The following SLC39A11 variants were observed in gnomAD, a reference collection of about 807,000 sequenced individuals.
SLC39A11 encodes solute carrier family 39 member 11.
In SLC39A11, 33 loss-of-function variants were observed where a neutral mutation model predicts 36.1. The observed-to-expected ratio is 0.91, with a 90% CI of 0.69 to 1.22. The LOEUF (loss-of-function observed/expected upper bound fraction) is 1.22. Ranked by LOEUF, SLC39A11 falls within the 50% of genes most tolerant of loss-of-function variation. The pLI is 0.00. For synonymous variants in SLC39A11, 166 were observed against 170.3 expected (o/e 0.97, Z 0.20); for missense variants, 432 against 430.3 (o/e 1.00, Z -0.03).
At chr17:72,871,056 GT>G (rs34776144) in intron 5 of SLC39A11, among the ~76,000 whole-genome samples, 55,589 of 124,094 alleles carry the variant, frequency 0.45, 10,478 homozygotes, top group East Asian at 0.62. Flanking sequence ...TTTTGTTTTT[GT>G]TTTTTTTTTT....
intron 7 of SLC39A11, among the ~76,000 whole-genome samples, chr17:72,674,662 C>A (rs1490186360): frequency 6.6e-6 from 1 of 152,138 alleles, no homozygotes; most frequent in Non-Finnish European, 1.5e-5. Context: ...TGCCCACCAG[C>A]AAGGTATGAG....
intron 5 of SLC39A11, among the ~76,000 whole-genome samples, chr17:72,883,069 T>C (rs1340172042): frequency 6.6e-6 from 1 of 152,120 alleles, no homozygotes; most frequent in African/African-American, 2.4e-5. Context: ...TGTGGTTGGA[T>C]TACAGGCTGA....
chr17:73,012,697 T>TC (rs566821257), intron 4 of SLC39A11, among the ~76,000 whole-genome samples: 54 of 152,210 alleles, frequency 3.5e-4, no homozygotes, highest in African/African-American at 1.2e-3. Context: ...CCCCCTGTTC[T>TC]CTCCCCTCTC....
chr17:72,973,440 T>C (rs753958398), intron 4 of SLC39A11, among the ~76,000 whole-genome samples: 7 of 152,090 alleles, frequency 4.6e-5, no homozygotes, highest in African/African-American at 9.7e-5. Context: ...CTGATGACTT[T>C]TGCTGACCTC....
chr17:73,005,257 C>T (rs1333996208), intron 4 of SLC39A11, among the ~76,000 whole-genome samples: 2 of 152,186 alleles, frequency 1.3e-5, no homozygotes, highest in African/African-American at 2.4e-5. Flanking sequence ...GGATTACAGG[C>T]GTGAGCCACC....
intron 5 of SLC39A11, among the ~76,000 whole-genome samples, chr17:72,945,962 A>T (rs185453832): frequency 6.6e-6 from 1 of 152,208 alleles, no homozygotes; most frequent in Non-Finnish European, 1.5e-5. Context: ...AATCAGATAA[A>T]GTCTGGCCAA....
At chr17:72,978,115 T>C (rs973896788) in intron 4 of SLC39A11, among the ~76,000 whole-genome samples, 6 of 152,254 alleles carry the variant, frequency 3.9e-5, no homozygotes, top group African/African-American at 1.2e-4. Context: ...GGGGAGGTTC[T>C]AGTGAGAATC....
intron 3 of SLC39A11, among the ~76,000 whole-genome samples, chr17:73,071,637 C>A (rs1193951874): frequency 6.6e-6 from 1 of 152,214 alleles, no homozygotes; most frequent in African/African-American, 2.4e-5. Flanking sequence ...AACATTGCAT[C>A]AGGGGCCAGC....
At chr17:73,014,713 A>G (rs1295190844) in intron 4 of SLC39A11, among the ~76,000 whole-genome samples, 2 of 152,356 alleles carry the variant, frequency 1.3e-5, no homozygotes, top group East Asian at 3.9e-4. Context: ...TGCTTCACCA[A>G]GTCCCAGAGG....
intron 6 of SLC39A11, among the ~76,000 whole-genome samples, chr17:72,798,017 A>G (rs981588077): frequency 5.3e-5 from 8 of 152,126 alleles, no homozygotes; most frequent in Non-Finnish European, 1.2e-4. Context: ...ACGTGACCAC[A>G]GACTTAGTGA....
intron 5 of SLC39A11, among the ~76,000 whole-genome samples, chr17:72,878,064 G>A (rs567878065): frequency 5.5e-5 from 8 of 146,270 alleles, no homozygotes; most frequent in Middle Eastern, 3.6e-3. Context: ...GTGAGAACAC[G>A]CGGTGTTTGG....
chr17:73,015,936 C>G (rs1382236254), intron 4 of SLC39A11, among the ~76,000 whole-genome samples: 3 of 152,128 alleles, frequency 2.0e-5, no homozygotes. Context: ...GCTTTCTCAT[C>G]TTAGACTATG....
chr17:72,798,527 C>A (rs2076975867), intron 6 of SLC39A11, among the ~76,000 whole-genome samples: 2 of 151,664 alleles, frequency 1.3e-5, no homozygotes, highest in Non-Finnish European at 2.9e-5. Flanking sequence ...AATTCTCCGA[C>A]CTCAGCCTCC....
intron 6 of SLC39A11, among the ~76,000 whole-genome samples, chr17:72,782,395 A>C (rs184700114): frequency 6.6e-6 from 1 of 152,246 alleles, no homozygotes; most frequent in Admixed American, 6.5e-5. Context: ...TAAGCCACCC[A>C]GTTTGCAGTA....
chr17:72,813,057 A>G (rs1014399158), intron 6 of SLC39A11, among the ~76,000 whole-genome samples: 1 of 152,192 alleles, frequency 6.6e-6, no homozygotes, highest in African/African-American at 2.4e-5. Context: ...GTTGTTCGTG[A>G]GTCATTCTGA....
chr17:73,078,547 C>T (rs1025368341), intron 3 of SLC39A11, among the ~76,000 whole-genome samples: 4 of 150,196 alleles, frequency 2.7e-5, no homozygotes, highest in Admixed American at 6.6e-5. Flanking sequence ...AGTGCAATGG[C>T]GCAATCTCGG....
At chr17:72,993,691 C>G (rs1276331408) in intron 4 of SLC39A11, among the ~76,000 whole-genome samples, 1 of 152,202 alleles carries the variant, frequency 6.6e-6, no homozygotes, top group Non-Finnish European at 1.5e-5. Flanking sequence ...TTCTGTACAG[C>G]TATGGCACAA....
intron 3 of SLC39A11, among the ~76,000 whole-genome samples, chr17:73,083,365 C>T (rs1341304809): frequency 6.6e-6 from 1 of 152,190 alleles, no homozygotes; most frequent in African/African-American, 2.4e-5. Flanking sequence ...AACAGTGGCT[C>T]CAGTCTAACA....
intron 5 of SLC39A11, among the ~76,000 whole-genome samples, chr17:72,881,073 G>A (rs1212230837): frequency 6.7e-6 from 1 of 150,312 alleles, no homozygotes; most frequent in Non-Finnish European, 1.5e-5. Flanking sequence ...AATATAAAAT[G>A]CCAAAAGCAC....
Sources: gnomAD v4.1 joint callset for allele counts (sites outside exome capture counted in the v4.1 genomes callset) on GRCh38, gnomAD v4.1.1 for gene constraint, MANE v1.5 for transcripts, NCBI Gene and HGNC (gene_info 2026-07-23, HGNC 2026-07-21) for gene names.